Variants in CUL4A observed in about 807,000 individuals in gnomAD.
CUL4A encodes the protein cullin-4A.
A neutral mutation model predicts 95.5 loss-of-function variants in CUL4A; 16 were observed. The observed-to-expected ratio is 0.17, with a 90% confidence interval of 0.11 to 0.25. The LOEUF (loss-of-function observed/expected upper bound fraction) is 0.25, where lower values mean the gene tolerates loss of function less well. Ranked by LOEUF, CUL4A falls within the 10% of genes least tolerant of loss-of-function variation. CUL4A has a pLI of 1.00. For missense variants in CUL4A, 610 were observed against 937.0 expected, an observed-to-expected ratio of 0.65 and a Z score of 4.56; for synonymous variants, 380 against 353.1, an observed-to-expected ratio of 1.08 and a Z score of -0.85.
intron 2 of CUL4A, among the ~76,000 whole-genome samples, chr13:113,211,945 A>G (rs1595339076): frequency 1.3e-5 from 2 of 151,874 alleles, no homozygotes; most frequent in South Asian, 2.1e-4. Context: ...CCAGCAGTGT[A>G]TGGGAGCTCC....
intron 3 of CUL4A, among the ~76,000 whole-genome samples, chr13:113,227,391 C>A (rs900493615): frequency 2.0e-5 from 3 of 152,188 alleles, no homozygotes; most frequent in Non-Finnish European, 4.4e-5. Context: ...GGGGAGCTCT[C>A]TGGGGTCTCT....
intron 2 of CUL4A, among the ~76,000 whole-genome samples, chr13:113,213,281 AG>A (rs1450813856): frequency 6.6e-6 from 1 of 152,146 alleles, no homozygotes; most frequent in Non-Finnish European, 1.5e-5. Context: ...CCAGCTACTC[AG>A]GGCCCCCACA....
chr13:113,226,071 C>T (rs1006517304), intron 3 of CUL4A, among the ~76,000 whole-genome samples: 6 of 152,218 alleles, frequency 3.9e-5, no homozygotes, highest in African/African-American at 1.2e-4. Flanking sequence ...CCTTGGCTAT[C>T]CTCAGCACTG....
At chr13:113,257,174 C>A (rs1392616482) in intron 18 of CUL4A, among the ~76,000 whole-genome samples, 2 of 152,070 alleles carry the variant, frequency 1.3e-5, no homozygotes, top group African/African-American at 4.8e-5. Context: ...AGTCACCCAT[C>A]TCGGCCTCCC....
chr13:113,246,353 G>T (rs2041857796), intron 15 of CUL4A, among the ~76,000 whole-genome samples: 1 of 152,308 alleles, frequency 6.6e-6, no homozygotes, highest in African/African-American at 2.4e-5. Flanking sequence ...TTCTTGTCTG[G>T]TTGTTCTTTC....
At chr13:113,232,871 C>T (rs2041405920) in intron 5 of CUL4A, among the ~76,000 whole-genome samples, 1 of 152,024 alleles carries the variant, frequency 6.6e-6, no homozygotes, top group Admixed American at 6.6e-5. Flanking sequence ...CGTCGCTCAG[C>T]AGGAAGGTGG....
At chr13:113,251,691 C>T (rs2041998927) in intron 15 of CUL4A, among the ~76,000 whole-genome samples, 1 of 152,166 alleles carries the variant, frequency 6.6e-6, no homozygotes, top group South Asian at 2.1e-4. Flanking sequence ...GAAGACGTGC[C>T]TGCTTTTTTC....
intron 18 of CUL4A, among the ~76,000 whole-genome samples, chr13:113,257,462 G>T (rs2042158940): frequency 2.0e-5 from 3 of 152,216 alleles, no homozygotes; most frequent in Admixed American, 2.0e-4. Flanking sequence ...CATGGTGCCA[G>T]CATCACCTCA....
chr13:113,257,370 C>T (rs2042156611), intron 18 of CUL4A, among the ~76,000 whole-genome samples: 1 of 152,066 alleles, frequency 6.6e-6, no homozygotes, highest in Non-Finnish European at 1.5e-5. Context: ...TCTTGTATTA[C>T]TATAAGGAAA....
At chr13:113,262,821 C>T (rs2042318820) in intron 19 of CUL4A, 1 of 150,910 alleles carries the variant, frequency 6.6e-6, no homozygotes. Flanking sequence ...GGATCTGCCT[C>T]GCTTATACGT....
intron 2 of CUL4A, 22 bp from the exon 3 acceptor site, chr13:113,218,923 G>A (rs1373855250): frequency 2.0e-6 from 3 of 1,520,262 alleles, no homozygotes; most frequent in Admixed American, 3.6e-5. Context: ...CTGAAGAATT[G>A]ATGTAGCCCT....
intron 15 of CUL4A, 26 bp downstream of exon 15, chr13:113,246,089 C>T (rs780213854): frequency 1.8e-5 from 28 of 1,542,330 alleles, no homozygotes; most frequent in South Asian, 5.6e-5. Flanking sequence ...GCATGCTGTC[C>T]GCTCCCGCTG....
At position 113,254,937 on chromosome 13, in the gene CUL4A, T is replaced by C. The variant is rs1222647676; in HGVS notation, c.1859-16T>C. The C allele has an allele frequency of 6.2e-7, 1 of 1,608,128 alleles. No homozygotes were observed. The highest frequency in any genetic ancestry group is 2.2e-5 in the East Asian group (1 of 44,800). ...CGTTTAACGCCAGCCTTTGCCTGCA[T>C]TTGCTTCCCATTCAGAGGATAGTGA... On this transcript the variant is annotated splice_polypyrimidine_tract_variant and intron_variant, in intron 17 of 19. Coordinates refer to ENST00000375440, the MANE Select transcript of CUL4A (RefSeq NM_001008895.4).
chr13:113,252,087 G>A (rs1171822559), intron 15 of CUL4A, among the ~76,000 whole-genome samples: 2 of 152,158 alleles, frequency 1.3e-5, no homozygotes, highest in East Asian at 1.9e-4. Context: ...AGAAGTCAGG[G>A]AAAGCACCGC....
intron 2 of CUL4A, among the ~76,000 whole-genome samples, chr13:113,218,559 C>T (rs1354995375): frequency 6.6e-6 from 1 of 152,140 alleles, no homozygotes; most frequent in African/African-American, 2.4e-5. Flanking sequence ...CTCCAGTGAC[C>T]CCCATCTCAG....
At chr13:113,235,238 T>G (rs532047388) in intron 8 of CUL4A, 93 bp downstream of exon 8, 2 of 830,914 alleles carry the variant, frequency 2.4e-6, no homozygotes, top group South Asian at 3.1e-5. Context: ...TCTTTGTCAA[T>G]TCATTCAGTA....
intron 10 of CUL4A, among the ~76,000 whole-genome samples, chr13:113,241,357 C>T (rs997322137): frequency 1.3e-5 from 2 of 152,046 alleles, no homozygotes; most frequent in African/African-American, 2.4e-5. Context: ...CTCCACATGC[C>T]GTTATCAAAA....
intron 10 of CUL4A, among the ~76,000 whole-genome samples, 175 bp from the exon 11 acceptor site, chr13:113,242,793 A>C (rs908419545): frequency 2.6e-5 from 4 of 152,252 alleles, no homozygotes. Context: ...CTCAAAAAAA[A>C]GTGTATTCAC....
intron 18 of CUL4A, among the ~76,000 whole-genome samples, chr13:113,258,027 T>G (rs1158466608): frequency 6.6e-6 from 1 of 152,166 alleles, no homozygotes; most frequent in Non-Finnish European, 1.5e-5. Flanking sequence ...TTGTTTTGTT[T>G]TGTTTTTTGA....
Sources: gnomAD v4.1 joint callset for allele counts (sites outside exome capture counted in the v4.1 genomes callset) on GRCh38, gnomAD v4.1.1 for gene constraint, MANE v1.5 for transcripts, NCBI Gene and HGNC (gene_info 2026-07-23, HGNC 2026-07-21) for gene names.